PITPNM2: variants seen among roughly 807,000 people sequenced by gnomAD.
PITPNM2 encodes phosphatidylinositol transfer protein membrane associated 2.
PITPNM2 carries 35 observed loss-of-function variants against 132.2 expected under a neutral mutation model. That is an observed-to-expected ratio of 0.26 (90% CI 0.20 to 0.35). The LOEUF is 0.35. Ranked by LOEUF, PITPNM2 falls within the 10% of genes least tolerant of loss-of-function variation. PITPNM2 has a pLI of 1.00. For synonymous variants in PITPNM2, 738 were observed against 799.2 expected, an observed-to-expected ratio of 0.92 and a Z score of 1.29; for missense variants, 1,332 against 1,912.0, an observed-to-expected ratio of 0.70 and a Z score of 5.66.
At chr12:123,061,158 A>G (rs2041223171) in intron 2 of PITPNM2, among the ~76,000 whole-genome samples, 2 of 152,150 alleles carry the variant, frequency 1.3e-5, no homozygotes, top group African/African-American at 4.8e-5. Flanking sequence ...CTCTAAACCC[A>G]AAGGTCTTCA....
intron 1 of PITPNM2, among the ~76,000 whole-genome samples, chr12:123,129,062 G>A (rs2043207845): frequency 6.6e-6 from 1 of 151,776 alleles, no homozygotes; most frequent in Non-Finnish European, 1.5e-5. Context: ...TTGAACCCGG[G>A]AGGCAGAGAT....
Position 123,022,247 on chromosome 12 carries a change from G to A in PITPNM2, c.79-8205C>T, listed in dbSNP as rs1008922449. ...ATTGATGTCAGCACTTGGGCTAAAA[G>A]GACAGGGCAGAGGAGTGCAGCTGGG... On this transcript the variant is annotated intron_variant, in intron 3 of 25. Transcript: ENST00000320201. This position sits in a 1 kb window ranked among gnomAD's most constrained non-coding sequence, Gnocchi z 4.9. Among the ~76,000 whole-genome samples, 1 of 152,204 alleles carries A rather than the reference G, an allele frequency of 6.6e-6. No homozygotes were observed. Among genetic ancestry groups the A allele is most frequent in the Non-Finnish European group, 1.5e-5 (1 of 68,044 alleles).
At position 123,099,729 on chromosome 12, in the gene PITPNM2, C is replaced by T. The variant is rs1377850558; in HGVS notation, c.-96+10656G>A. ...GTTCAGATGCCTATCCATGCTGGCA[C>T]TGTTCCAAGTCCCACCTACAGCCTC... On this transcript the variant is annotated intron_variant, in intron 2 of 25. Coordinates refer to ENST00000320201, the MANE Select transcript of PITPNM2 (RefSeq NM_020845.3). The surrounding 1 kb of genome is among the most constrained non-coding windows in gnomAD (Gnocchi z 4.2). Among the ~76,000 whole-genome samples the T allele has an allele frequency of 6.6e-6, 1 of 152,218 alleles. No homozygotes were observed. The highest frequency in any genetic ancestry group is 2.4e-5 in the African/African-American group (1 of 41,452).
At chr12:123,080,692 C>A (rs2041933211) in intron 2 of PITPNM2, among the ~76,000 whole-genome samples, 1 of 152,238 alleles carries the variant, frequency 6.6e-6, no homozygotes, top group African/African-American at 2.4e-5. Context: ...CAACCCCACA[C>A]CCATGCTTTG....
chr12:122,997,063 G>A (rs1368706675), intron 11 of PITPNM2, among the ~76,000 whole-genome samples, 153 bp from the exon 12 acceptor site: 4 of 152,186 alleles, frequency 2.6e-5, no homozygotes, highest in African/African-American at 9.7e-5. Flanking sequence ...GACCAGGGTG[G>A]GTAAGACCCC....
At chr12:123,118,341 T>A (rs1053693823) in intron 1 of PITPNM2, among the ~76,000 whole-genome samples, 1 of 152,162 alleles carries the variant, frequency 6.6e-6, no homozygotes, top group African/African-American at 2.4e-5. Context: ...TACTGCCTGC[T>A]TCCAAAAACC....
At chr12:123,136,928 T>C (rs1328020848) in intron 1 of PITPNM2, among the ~76,000 whole-genome samples, 1 of 152,210 alleles carries the variant, frequency 6.6e-6, no homozygotes, top group Non-Finnish European at 1.5e-5. Context: ...CCCCCTTAAT[T>C]GGTGAATATG....
Position 123,108,374 on chromosome 12 carries a change from G to T in PITPNM2, c.-96+2011C>A, listed in dbSNP as rs1482769008. ...AAGGAATAGAACCTCCTTCCTGTAA[G>T]AAAGGAGACAGGAGACCAAGGCTGT... is the stretch of plus-strand genomic sequence containing the variant. On this transcript the variant is annotated intron_variant, in intron 2 of 25. Transcript: ENST00000320201. The surrounding 1 kb of genome is among the most constrained non-coding windows in gnomAD (Gnocchi z 4.4). 3.9e-5 allele frequency among the ~76,000 whole-genome samples: 6 copies of T among 152,202 alleles called. No individual in the cohort carries two copies. Among genetic ancestry groups the T allele is most frequent in the Non-Finnish European group, 7.3e-5 (5 of 68,038 alleles).
At chr12:123,042,494 A>G (rs2040522047) in intron 2 of PITPNM2, among the ~76,000 whole-genome samples, 1 of 151,948 alleles carries the variant, frequency 6.6e-6, no homozygotes, top group African/African-American at 2.4e-5. Flanking sequence ...TTAAGGGGGG[A>G]TGGAATCCAT....
At position 122,995,562 on chromosome 12, in the gene PITPNM2, A is replaced by T. The variant is rs1400773683; in HGVS notation, c.1881T>A (p.Gly627=). Residue 627 remains glycine (G), a synonymous_variant, in exon 14 of 26, where the codon GGT becomes GGA. Transcript: ENST00000320201. ...GGGGGGSSGG[G]GSSGGSSLES... Reference sequence around the variant, plus strand: ...CCAGGCTGGAGCCACCACTACTGCCACCACCACCACTGCTGCCACCACCGC... The same window carrying T: ...CCAGGCTGGAGCCACCACTACTGCCTCCACCACCACTGCTGCCACCACCGC... The T allele has an allele frequency of 6.2e-7, 1 of 1,608,038 alleles. No individual in the cohort carries two copies. The highest frequency in any genetic ancestry group is 1.1e-5 in the South Asian group (1 of 91,044).
chr12:123,134,886 GGTT>G (rs1274234945), intron 1 of PITPNM2, among the ~76,000 whole-genome samples: 1 of 152,144 alleles, frequency 6.6e-6, no homozygotes, highest in African/African-American at 2.4e-5. Context: ...GACTACAGAG[GGTT>G]GTTGTGGGAT....
At chr12:123,003,524 A>G (rs2038787955) in intron 8 of PITPNM2, among the ~76,000 whole-genome samples, 1 of 152,172 alleles carries the variant, frequency 6.6e-6, no homozygotes, top group African/African-American at 2.4e-5. Flanking sequence ...CTCCAGTCCC[A>G]GGGCCAAACC....
intron 1 of PITPNM2, among the ~76,000 whole-genome samples, chr12:123,147,790 G>C (rs117016794): frequency 1.6e-3 from 249 of 152,308 alleles, no homozygotes; most frequent in Non-Finnish European, 2.7e-3. Flanking sequence ...ACTTGGGCAA[G>C]TTAGTTGACC....
chr12:123,100,887 G>A (rs778697693), intron 2 of PITPNM2, among the ~76,000 whole-genome samples: 9 of 152,122 alleles, frequency 5.9e-5, no homozygotes, highest in African/African-American at 9.7e-5. Context: ...TCCATATAAC[G>A]TCTATAACTC....
intron 2 of PITPNM2, among the ~76,000 whole-genome samples, chr12:123,039,780 G>A (rs1471404278): frequency 6.6e-6 from 1 of 152,124 alleles, no homozygotes; most frequent in Non-Finnish European, 1.5e-5. Flanking sequence ...TGAGAGTGGG[G>A]GAAGGGGCAT....
chr12:123,014,731 C>A (rs1318461643), intron 3 of PITPNM2, among the ~76,000 whole-genome samples: 1 of 152,016 alleles, frequency 6.6e-6, no homozygotes, highest in Non-Finnish European at 1.5e-5. Flanking sequence ...ACAAAACAAA[C>A]AAAAAGAATA....
chr12:123,034,684 C>A lies in PITPNM2; in HGVS notation c.-94G>T. 9.5e-7 allele frequency: 1 copy of A among 1,053,468 alleles called. No individual in the cohort carries two copies. The highest frequency in any genetic ancestry group is 1.5e-6 in the Non-Finnish European group (1 of 677,504). The allele number at this position is 1,053,468 out of a possible 1,614,324, so 65.3% of individuals were successfully genotyped here. A position where few individuals can be genotyped will look rare whatever the true frequency, so the allele number is the denominator to read the frequency against. On this transcript the variant is annotated splice_region_variant and 5_prime_UTR_variant, in exon 3 of 26. Coordinates refer to ENST00000320201, the MANE Select transcript of PITPNM2 (RefSeq NM_020845.3). ...AACCATGACAAAATTCACCAAGGAC[C>A]CCTGGGAGACAGAGAGGACAGAACA... is the stretch of plus-strand genomic sequence containing the variant.
Position 123,064,361 on chromosome 12 carries a change from C to T in PITPNM2, c.-95-29676G>A, listed in dbSNP as rs1350063543. Among the ~76,000 whole-genome samples, 1 of 152,226 alleles carries T rather than the reference C, an allele frequency of 6.6e-6. No individual in the cohort carries two copies. The highest frequency in any genetic ancestry group is 1.5e-5 in the Non-Finnish European group (1 of 68,040). On this transcript the variant is annotated intron_variant, in intron 2 of 25. Coordinates refer to ENST00000320201, the MANE Select transcript of PITPNM2 (RefSeq NM_020845.3). The surrounding 1 kb of genome is among the most constrained non-coding windows in gnomAD (Gnocchi z 4.0). ...GTGACACCAAACCGATCCCAACCAG[C>T]ACCCCAAGGCCTGCAGCCCACAGGA... is the stretch of plus-strand genomic sequence containing the variant.
At chr12:122,998,071 T>A (rs2038506482) in intron 10 of PITPNM2, among the ~76,000 whole-genome samples, 1 of 152,196 alleles carries the variant, frequency 6.6e-6, no homozygotes, top group Non-Finnish European at 1.5e-5. Flanking sequence ...CACCTGAGAA[T>A]GGCTGGGGTC....
Sources: allele counts gnomAD v4.1 joint callset (sites outside exome capture counted in the v4.1 genomes callset), GRCh38; gene constraint gnomAD v4.1.1; non-coding constraint Gnocchi (gnomAD v3.1); transcripts MANE v1.5; gene names NCBI Gene and HGNC (gene_info 2026-07-23, HGNC 2026-07-21).